The following ARHGEF10 variants were observed in gnomAD, a reference collection of about 807,000 sequenced individuals.
ARHGEF10 encodes Rho guanine nucleotide exchange factor 10.
Under a neutral mutation model 147.4 loss-of-function variants are expected in ARHGEF10, and 140 were observed. That is an observed-to-expected ratio of 0.95 (90% CI 0.83 to 1.09). ARHGEF10 has a LOEUF of 1.09. ARHGEF10 is among the 50% of genes least tolerant of loss of function. The pLI, the probability that ARHGEF10 is intolerant of heterozygous loss-of-function variation, is 0.00. For missense variants in ARHGEF10, 2,222 were observed against 1,752.7 expected, an observed-to-expected ratio of 1.27 and a Z score of -4.78; for synonymous variants, 902 against 695.8, an observed-to-expected ratio of 1.30 and a Z score of -4.67.
intron 5 of ARHGEF10, 94 bp downstream of exon 5, chr8:1,864,530 C>T (rs1372833582): frequency 2.3e-6 from 3 of 1,333,248 alleles, no homozygotes; most frequent in Non-Finnish European, 2.2e-6. Context: ...TGCCCGCCAT[C>T]CTCAGCTCTG....
chr8:1,909,586 A>G, intron 18 of ARHGEF10, 116 bp downstream of exon 18: 1 of 1,379,480 alleles, frequency 7.2e-7, no homozygotes, highest in Non-Finnish European at 1.0e-6. Flanking sequence ...TTAACATGGC[A>G]AGTCTGCAGA....
chr8:1,893,693 T>C, intron 12 of ARHGEF10, 47 bp downstream of exon 12: 1 of 1,361,002 alleles, frequency 7.3e-7, no homozygotes, highest in Non-Finnish European at 1.1e-6. Context: ...TATTATTCTT[T>C]TTTACCTATA....
chr8:1,911,945 G>C (rs187434772), intron 18 of ARHGEF10, among the ~76,000 whole-genome samples: 1 of 152,160 alleles, frequency 6.6e-6, no homozygotes, highest in South Asian at 2.1e-4. Flanking sequence ...AAATTATATC[G>C]AGAAGCTAAG....
intron 14 of ARHGEF10, among the ~76,000 whole-genome samples, chr8:1,897,530 C>T (rs989367155): frequency 4.5e-4 from 67 of 147,688 alleles, no homozygotes; most frequent in African/African-American, 1.3e-3. Context: ...CCTAAGGCAT[C>T]GGATCGCAGT....
chr8:1,912,926 C>G (rs1181777912), intron 18 of ARHGEF10, among the ~76,000 whole-genome samples: 1 of 152,106 alleles, frequency 6.6e-6, no homozygotes, highest in East Asian at 1.9e-4. Flanking sequence ...GGTGCAGCGT[C>G]TTTGTTGGTG....
rs1563233718 is a variant in ARHGEF10 at position 1,888,175 on chromosome 8, G to GGGGTGAGGGTTTGCGAGGAGACACTT, written c.1182+2468_1182+2469insGGGTGAGGGTTTGCGAGGAGACACTT. The stretch of plus-strand genomic sequence containing the variant: ...GGGGCGAGGGTTGCGAGGAGACAGT[G>GGGGTGAGGGTTTGCGAGGAGACACTT]AGTGGGGTGAGGGTTTGCGAGGAGA... On this transcript the variant is annotated intron_variant, in intron 11 of 28. Transcript: ENST00000349830. Among the ~76,000 whole-genome samples, 28 of 28,856 alleles carry GGGGTGAGGGTTTGCGAGGAGACACTT rather than the reference G, an allele frequency of 9.7e-4. 1 individual carries two copies. The highest frequency in any genetic ancestry group is 2.1e-3 in the Admixed American group (6 of 2,848). The allele number at this position is 28,856 out of a possible 152,430, so 18.9% of individuals were successfully genotyped here.
intron 2 of ARHGEF10, among the ~76,000 whole-genome samples, chr8:1,847,076 G>A (rs957978804): frequency 2.6e-5 from 4 of 152,134 alleles, no homozygotes; most frequent in East Asian, 3.9e-4. Context: ...AGGTCCCTGT[G>A]CCTTCTCTAG....
In ARHGEF10 at chr8:1,885,642, G is replaced by T. The variant is rs758472149; in HGVS notation, c.1117G>T (p.Asp373Tyr). 1.9e-6 allele frequency: 3 copies of T among 1,613,856 alleles called. No homozygotes were observed. In the South Asian group the frequency reaches 3.3e-5, roughly 18 times the overall value. The change falls in exon 11 of 29, where the codon GAT (aspartate) becomes TAT (tyrosine). Residue 373 changes from aspartate to tyrosine, a missense_variant. Coordinates refer to ENST00000349830, the MANE Select transcript of ARHGEF10 (RefSeq NM_014629.4). Reference sequence around the variant, plus strand: ...TGAGGAAGAACAGAATTTGTTCATTGATGTTGACTGCAAGCACCCGGAAGC... The same window carrying T: ...TGAGGAAGAACAGAATTTGTTCATTTATGTTGACTGCAAGCACCCGGAAGC... ...SLEEEQNLFI[D>Y]VDCKHPEAIL...
rs1403528196 is a variant in ARHGEF10 at position 1,882,679 on chromosome 8, G to T, written c.1005G>T (p.Gly335=). The T allele has an allele frequency of 1.9e-6, 3 of 1,556,886 alleles. No homozygotes were observed. The highest frequency in any genetic ancestry group is 2.6e-6 in the Non-Finnish European group (3 of 1,149,702). ...CCGCGAAGGACGGCACCAAGGACGG[G>T]CTGGAGAGGACCAGGGCAGCCGTGA... ...VKAAKDGTKD[G]LERTRAAVKR... The change falls in exon 10 of 29, where the codon GGG becomes GGT. Residue 335 remains glycine (G), a synonymous_variant. Coordinates refer to ENST00000349830, the MANE Select transcript of ARHGEF10 (RefSeq NM_014629.4).
chr8:1,858,565 A>G (rs1226175821), intron 3 of ARHGEF10, among the ~76,000 whole-genome samples: 1 of 152,220 alleles, frequency 6.6e-6, no homozygotes, highest in African/African-American at 2.4e-5. Flanking sequence ...TTGTATCACT[A>G]GATTAAAAGA....
intron 2 of ARHGEF10, among the ~76,000 whole-genome samples, chr8:1,849,271 G>C (rs1305082784): frequency 6.6e-6 from 1 of 152,160 alleles, no homozygotes; most frequent in Non-Finnish European, 1.5e-5. Flanking sequence ...GCTGAGAAGG[G>C]CGTAGGGCGG....
chr8:1,940,456 C>T (rs1408883642), intron 26 of ARHGEF10, among the ~76,000 whole-genome samples: 1 of 152,038 alleles, frequency 6.6e-6, no homozygotes, highest in Non-Finnish European at 1.5e-5. Context: ...TTGAATAGAC[C>T]TAAAAGTAGT....
intron 1 of ARHGEF10, among the ~76,000 whole-genome samples, chr8:1,832,782 A>ACAGG (rs1803256665): frequency 8.8e-6 from 1 of 113,742 alleles, no homozygotes; most frequent in Admixed American, 9.0e-5. Context: ...AGAGGCAGAG[A>ACAGG]CAGAGAGAGA....
intron 2 of ARHGEF10, among the ~76,000 whole-genome samples, chr8:1,855,389 T>C (rs1267131012): frequency 6.6e-6 from 1 of 152,018 alleles, no homozygotes; most frequent in Non-Finnish European, 1.5e-5. Flanking sequence ...CAGAAACTTT[T>C]TTTGGGGTGG....
chr8:1,955,009 C>CA (rs1815376509), intron 28 of ARHGEF10, among the ~76,000 whole-genome samples: 1 of 144,022 alleles, frequency 6.9e-6, no homozygotes, highest in African/African-American at 2.6e-5. Flanking sequence ...TAGCCAGGTG[C>CA]TCCCTGAAAG....
At chr8:1,832,534 A>G (rs1803205557) in intron 1 of ARHGEF10, among the ~76,000 whole-genome samples, 2 of 141,006 alleles carry the variant, frequency 1.4e-5, no homozygotes, top group Non-Finnish European at 3.1e-5. Flanking sequence ...GTAGAGAGAC[A>G]CAGAGGCAGA....
At chr8:1,900,897 C>T (rs1380547011) in intron 15 of ARHGEF10, among the ~76,000 whole-genome samples, 1 of 152,180 alleles carries the variant, frequency 6.6e-6, no homozygotes, top group Non-Finnish European at 1.5e-5. Context: ...GGGTCTGTTG[C>T]CCCTGAAGGA....
At chr8:1,872,364 T>G (rs1342246100) in intron 7 of ARHGEF10, among the ~76,000 whole-genome samples, 1 of 152,222 alleles carries the variant, frequency 6.6e-6, no homozygotes, top group African/African-American at 2.4e-5. Flanking sequence ...CTCAGTCGCA[T>G]GCACTGTTCC....
intron 6 of ARHGEF10, among the ~76,000 whole-genome samples, chr8:1,868,271 CAG>C (rs1462267467): frequency 3.3e-5 from 5 of 152,066 alleles, no homozygotes; most frequent in Admixed American, 3.3e-4. Flanking sequence ...GGCTGGATGT[CAG>C]GGGAGAGTTC....
Sources: allele counts gnomAD v4.1 joint callset (sites outside exome capture counted in the v4.1 genomes callset), GRCh38; gene constraint gnomAD v4.1.1; transcripts MANE v1.5; gene names NCBI Gene and HGNC (gene_info 2026-07-23, HGNC 2026-07-21).